Variants in TMEM204 observed in about 807,000 individuals in gnomAD.
The protein encoded by TMEM204 is claudin-like protein 24.
Under a neutral mutation model 19.4 loss-of-function variants are expected in TMEM204, and 15 were observed. The ratio of observed to expected loss-of-function variants is 0.77; its 90% CI spans 0.52 to 1.19. The LOEUF is 1.19. TMEM204 is among the 50% of genes most tolerant of loss of function. The pLI, the probability that TMEM204 is intolerant of heterozygous loss-of-function variation, is 0.00. For missense variants in TMEM204, 287 were observed against 321.2 expected (o/e 0.89, Z 0.81); for synonymous variants, 161 against 146.0 (o/e 1.10, Z -0.74).
intron 2 of TMEM204, among the ~76,000 whole-genome samples, chr16:1,544,500 T>C (rs963805011): frequency 6.6e-6 from 1 of 151,490 alleles, no homozygotes; most frequent in African/African-American, 2.4e-5. Context: ...CCACTAATTT[T>C]TGTGTTTTTA....
rs370619004 is a variant in TMEM204, at chr16:1,534,346, C to T, written c.71C>T (p.Ala24Val). ...GTCTCACTCATCCTCAACAACGTGG[C>T]GGCCTTCACCTCCAACTGGGTGTGC... ...ALVSLILNNV[A>V]AFTSNWVCQT... Residue 24 changes from alanine to valine, a missense_variant, in exon 1 of 3, where the codon GCG (alanine) becomes GTG (valine). By Grantham distance (64) the Ala-to-Val change is moderately conservative. Coordinates refer to ENST00000566264, the MANE Select transcript of TMEM204 (RefSeq NM_024600.6). The T allele has an allele frequency of 1.2e-6, 2 of 1,612,840 alleles. No homozygotes were observed. The highest frequency in any genetic ancestry group is 8.5e-7 in the Non-Finnish European group (1 of 1,179,884).
rs1444939731 is a variant in TMEM204, at chr16:1,554,771, C to G, written c.437-11C>G. 1.2e-6 allele frequency: 2 copies of G among 1,613,738 alleles called. No homozygotes were observed. Among genetic ancestry groups the G allele is most frequent in the Non-Finnish European group, 1.7e-6 (2 of 1,179,686 alleles). ...TCAGACAAGGCCTCTCAACCCTTCT[C>G]TCATCTGCAGGTTTTGTCCTGGTCA... On this transcript the variant is annotated splice_polypyrimidine_tract_variant and intron_variant, in intron 2 of 2. Coordinates refer to ENST00000566264, the MANE Select transcript of TMEM204 (RefSeq NM_024600.6).
At chr16:1,540,680 C>T (rs559789489) in intron 1 of TMEM204, 10 of 282,006 alleles carry the variant, frequency 3.5e-5, no homozygotes, top group African/African-American at 1.4e-4. Flanking sequence ...CGCGGGGACC[C>T]GCTCCTGAGT....
intron 2 of TMEM204, among the ~76,000 whole-genome samples, chr16:1,546,329 C>G (rs1304294692): frequency 6.6e-6 from 1 of 152,206 alleles, no homozygotes; most frequent in Non-Finnish European, 1.5e-5. Flanking sequence ...TCCGAGCCCT[C>G]AGGTGTTTCC....
chr16:1,554,115 T>C (rs1376405202), intron 2 of TMEM204: 5 of 1,286,766 alleles, frequency 3.9e-6, no homozygotes, highest in Non-Finnish European at 5.1e-6. Flanking sequence ...AAGCACTGAC[T>C]CGGAAGTGAG....
chr16:1,535,729 C>G (rs2030996812), intron 1 of TMEM204, among the ~76,000 whole-genome samples: 1 of 152,250 alleles, frequency 6.6e-6, no homozygotes, highest in African/African-American at 2.4e-5. Flanking sequence ...CGAGGGAATT[C>G]AACCCCCTTG....
Position 1,551,575 on chromosome 16 carries a change from C to T in TMEM204, c.437-3207C>T, listed in dbSNP as rs370829675. Among the ~76,000 whole-genome samples the T allele has an allele frequency of 2.6e-5, 4 of 152,146 alleles. No individual in the cohort carries two copies. The highest frequency in any genetic ancestry group is 2.1e-4 in the South Asian group (1 of 4,830). On this transcript the variant is annotated intron_variant, in intron 2 of 2. Coordinates refer to ENST00000566264, the MANE Select transcript of TMEM204 (RefSeq NM_024600.6). This position sits in a 1 kb window ranked among gnomAD's most constrained non-coding sequence, Gnocchi z 4.0. ...CAGGGTGCAGCGGTGGAGGGAGGGCCGCCTGCATCAGTATCCCCAGCAAGG... is the reference window on the plus strand; with the variant it reads ...CAGGGTGCAGCGGTGGAGGGAGGGCTGCCTGCATCAGTATCCCCAGCAAGG...
chr16:1,529,217 A>G (rs969037054), upstream of TMEM204, among the ~76,000 whole-genome samples: 1 of 152,212 alleles, frequency 6.6e-6, no homozygotes, highest in Non-Finnish European at 1.5e-5. Context: ...GTGTCTTAGC[A>G]GCAACCAACC....
At chr16:1,537,254 C>T (rs766684340) in intron 1 of TMEM204, among the ~76,000 whole-genome samples, 1 of 152,090 alleles carries the variant, frequency 6.6e-6, no homozygotes, top group Admixed American at 6.5e-5. Context: ...ACACCGCGTG[C>T]CTCCTCACGC....
chr16:1,552,586 A>G (rs1478215996), intron 2 of TMEM204, among the ~76,000 whole-genome samples: 1 of 151,954 alleles, frequency 6.6e-6, no homozygotes, highest in Non-Finnish European at 1.5e-5. Context: ...AGCAGAGGGC[A>G]CATTCCGCAC....
At chr16:1,536,304 C>T (rs201187790) in intron 1 of TMEM204, among the ~76,000 whole-genome samples, 5 of 152,230 alleles carry the variant, frequency 3.3e-5, no homozygotes, top group Non-Finnish European at 2.9e-5. Context: ...CCGTCCCAGG[C>T]GCCCGGCTGT....
chr16:1,541,281 A>AG (rs1392696468), intron 1 of TMEM204: 1 of 984,814 alleles, frequency 1.0e-6, no homozygotes, highest in East Asian at 1.1e-4. Flanking sequence ...CCAGGAGGTG[A>AG]GGGGGGCAGG....
chr16:1,548,716 C>T (rs1240446486), intron 2 of TMEM204, among the ~76,000 whole-genome samples: 2 of 152,166 alleles, frequency 1.3e-5, no homozygotes, highest in South Asian at 4.1e-4. Context: ...TTCCCATCTC[C>T]CCCACGTAGG....
At chr16:1,533,323 G>T (rs945998656), upstream of TMEM204, 1 of 151,572 alleles carries the variant, frequency 6.6e-6, no homozygotes, top group African/African-American at 2.4e-5. The surrounding 1 kb of genome is among the most constrained non-coding windows in gnomAD (Gnocchi z 4.7). Context: ...ATGGTCCTGG[G>T]GGTACCTATG....
chr16:1,539,201 C>G (rs1167536393), intron 1 of TMEM204, among the ~76,000 whole-genome samples: 14 of 148,374 alleles, frequency 9.4e-5, no homozygotes, highest in Admixed American at 4.0e-4. Context: ...CCTCACCAAG[C>G]CACACGGTGC....
chr16:1,541,752 A>G (rs936161744), intron 1 of TMEM204, among the ~76,000 whole-genome samples, 169 bp from the exon 2 acceptor site: 1 of 152,182 alleles, frequency 6.6e-6, no homozygotes, highest in African/African-American at 2.4e-5. Context: ...GCTTGCAGGC[A>G]GGTGAGGGGG....
At chr16:1,554,130 G>A (rs2032898699) in intron 2 of TMEM204, 5 of 1,286,960 alleles carry the variant, frequency 3.9e-6, no homozygotes, top group African/African-American at 1.5e-5. Flanking sequence ...AGTGAGGGAA[G>A]ACACCAGATA....
At chr16:1,545,143 T>G (rs2032058615) in intron 2 of TMEM204, among the ~76,000 whole-genome samples, 1 of 152,224 alleles carries the variant, frequency 6.6e-6, no homozygotes, top group South Asian at 2.1e-4. Context: ...CGAGCTGTCT[T>G]ACAGCATTCC....
intron 1 of TMEM204, among the ~76,000 whole-genome samples, chr16:1,536,495 CCCTCAGTGAA>C (rs2031085085): frequency 6.6e-6 from 1 of 152,224 alleles, no homozygotes; most frequent in Non-Finnish European, 1.5e-5. Flanking sequence ...AGGTGGCTGA[CCCTCAGTGAA>C]CCTGAGCAGC....
Sources: allele counts gnomAD v4.1 joint callset (sites outside exome capture counted in the v4.1 genomes callset), GRCh38; gene constraint gnomAD v4.1.1; non-coding constraint Gnocchi (gnomAD v3.1); transcripts MANE v1.5; gene names NCBI Gene and HGNC (gene_info 2026-07-23, HGNC 2026-07-21).